Variants in ADGRD1 observed in about 807,000 individuals in gnomAD.
ADGRD1 encodes the protein G-protein coupled receptor 133.
A neutral mutation model predicts 113.4 loss-of-function variants in ADGRD1; 77 were observed. The observed-to-expected ratio is 0.68, with a 90% confidence interval of 0.57 to 0.82. The LOEUF (loss-of-function observed/expected upper bound fraction) is 0.82, where lower values mean the gene tolerates loss of function less well. Ranked by LOEUF, ADGRD1 falls within the 40% of genes least tolerant of loss-of-function variation. The probability of loss-of-function intolerance (pLI) is 0.00; values close to 1 mark genes in which losing one functional copy is unlikely to be tolerated. For synonymous variants in ADGRD1, 474 were observed against 475.0 expected, an observed-to-expected ratio of 1.00 and a Z score of 0.03; for missense variants, 1,036 against 1,139.1, an observed-to-expected ratio of 0.91 and a Z score of 1.30.
chr12:131,067,202 G>A (rs1884790703), intron 13 of ADGRD1, among the ~76,000 whole-genome samples: 1 of 152,192 alleles, frequency 6.6e-6, no homozygotes, highest in South Asian at 2.1e-4. Flanking sequence ...TCAGGAGGGA[G>A]GTTTGGACAT....
At chr12:131,068,396 G>A (rs760596721) in intron 13 of ADGRD1, among the ~76,000 whole-genome samples, 68 of 152,292 alleles carry the variant, frequency 4.5e-4, no homozygotes, top group Admixed American at 9.2e-4. Context: ...ATGAAAGAAT[G>A]TTCATCTTCC....
chr12:130,983,706 C>T (rs1286061111), intron 5 of ADGRD1, among the ~76,000 whole-genome samples: 1 of 152,188 alleles, frequency 6.6e-6, no homozygotes, highest in East Asian at 1.9e-4. Flanking sequence ...AGGGTCCAAG[C>T]GTGCTCCAGA....
At chr12:130,958,910 G>C (rs1294403559) in intron 2 of ADGRD1, among the ~76,000 whole-genome samples, 4 of 152,254 alleles carry the variant, frequency 2.6e-5, no homozygotes, top group Non-Finnish European at 5.9e-5. Context: ...CGCACCGCGG[G>C]TGGAGAAGCG....
chr12:131,002,909 G>T lies in ADGRD1; in HGVS notation c.1027-276G>T, dbSNP rs148101906. The stretch of plus-strand genomic sequence containing the variant: ...GGGAGGAGGCAGGACCAGGAGTTGG[G>T]TCCCCTCAGTCCCCGTGTCTAAGTG... On this transcript the variant is annotated intron_variant, in intron 9 of 24. Coordinates refer to ENST00000261654, the MANE Select transcript of ADGRD1 (RefSeq NM_198827.5). The T allele has an allele frequency of 3.6e-3, 2,989 of 837,386 alleles. 14 individuals are homozygous for T. The highest frequency in any genetic ancestry group is 5.4e-3 in the Middle Eastern group (12 of 2,226). 51.9% of individuals were successfully genotyped at this position (837,386 alleles called of 1,614,324 possible).
intron 13 of ADGRD1, among the ~76,000 whole-genome samples, chr12:131,038,734 A>T (rs1024527036): frequency 6.6e-6 from 1 of 152,230 alleles, no homozygotes; most frequent in Admixed American, 6.5e-5. Context: ...GGGGGACGGC[A>T]GTGACAGGTA....
At chr12:131,030,370 C>T (rs762437326) in intron 13 of ADGRD1, among the ~76,000 whole-genome samples, 8 of 152,216 alleles carry the variant, frequency 5.3e-5, no homozygotes, top group Non-Finnish European at 1.0e-4. Flanking sequence ...GGAGCCCTTC[C>T]AGACTGTGCC....
intron 20 of ADGRD1, among the ~76,000 whole-genome samples, chr12:131,127,120 G>GA (rs111265523): frequency 0.085 from 12,829 of 150,096 alleles, 592 homozygotes; most frequent in Middle Eastern, 0.12. Context: ...CAGGCTAAAA[G>GA]AAAAAAAAAG....
intron 13 of ADGRD1, among the ~76,000 whole-genome samples, chr12:131,036,795 TGGGTCTCACTCACTGCCCC>T (rs1249376303): frequency 1.9e-5 from 2 of 103,606 alleles, no homozygotes; most frequent in Non-Finnish European, 3.9e-5. Flanking sequence ...CTCACGGCAC[TGGGTCTCACTCACTGCCCC>T]GGGTCTCACT....
chr12:130,985,861 T>C (rs1409778392), intron 5 of ADGRD1, among the ~76,000 whole-genome samples: 6 of 152,208 alleles, frequency 3.9e-5, no homozygotes, highest in African/African-American at 1.4e-4. Context: ...CAAGATTCTT[T>C]TTATTTTTTG....
At chr12:131,002,225 C>T (rs1211212196) in intron 9 of ADGRD1, among the ~76,000 whole-genome samples, 2 of 152,132 alleles carry the variant, frequency 1.3e-5, no homozygotes, top group Non-Finnish European at 2.9e-5. Flanking sequence ...AAATCTGTTA[C>T]AAAATATGAA....
chr12:131,093,615 G>A lies in ADGRD1; in HGVS notation c.1671+8952G>A, dbSNP rs78116837. 3.7e-3 allele frequency among the ~76,000 whole-genome samples: 570 copies of A among 152,330 alleles called. 9 individuals are homozygous for A. Among genetic ancestry groups the A allele is most frequent in the Admixed American group, 0.026 (399 of 15,306 alleles). On this transcript the variant is annotated intron_variant, in intron 15 of 24. Coordinates refer to ENST00000261654, the MANE Select transcript of ADGRD1 (RefSeq NM_198827.5). ...GCGGTCCCGAGGGTGTGTCACAGGC[G>A]GGACTGTGCCAACTGCAGTGCCGGC... is the stretch of plus-strand genomic sequence containing the variant.
Position 131,136,074 on chromosome 12 carries a change from C to T in ADGRD1, c.2305C>T (p.Leu769=), listed in dbSNP as rs1351628759. The T allele has an allele frequency of 1.4e-5, 22 of 1,614,062 alleles. No homozygotes were observed. The highest frequency in any genetic ancestry group is 1.8e-5 in the Non-Finnish European group (21 of 1,179,996). Residue 769 remains leucine, a synonymous_variant, in exon 22 of 25, where the codon CTG becomes TTG. Transcript: ENST00000261654. ...GGCAGTGGCCGTGCTGCTGCCCATC[C>T]TGGGTACCTCGTGGGTCTTTGGCGT... is the stretch of plus-strand genomic sequence containing the variant. ...AKAVAVLLPI[L]GTSWVFGVLA... is the part of the protein sequence containing the mutation.
chr12:131,129,441 G>T (rs1375398013), intron 20 of ADGRD1, among the ~76,000 whole-genome samples: 2 of 97,640 alleles, frequency 2.0e-5, no homozygotes, highest in African/African-American at 4.5e-5. Context: ...CTGCTGTCTG[G>T]GTGTGACAGG....
intron 5 of ADGRD1, 65 bp downstream of exon 5, chr12:130,982,128 C>T (rs752859648): frequency 1.6e-5 from 23 of 1,410,320 alleles, no homozygotes; most frequent in South Asian, 2.5e-5. Flanking sequence ...TGAGAATGGA[C>T]GCTGAGAAGC....
At chr12:131,064,878 T>G (rs1884594656) in intron 13 of ADGRD1, among the ~76,000 whole-genome samples, 1 of 152,234 alleles carries the variant, frequency 6.6e-6, no homozygotes, top group African/African-American at 2.4e-5. Context: ...TACACTGGTC[T>G]GGGTGAGCGT....
At chr12:130,995,382 G>C (rs537519146) in intron 8 of ADGRD1, among the ~76,000 whole-genome samples, 1 of 152,352 alleles carries the variant, frequency 6.6e-6, no homozygotes, top group South Asian at 2.1e-4. Context: ...AGGCAATGCA[G>C]GTCTACACAG....
intron 8 of ADGRD1, among the ~76,000 whole-genome samples, chr12:130,996,238 C>G (rs1233533515): frequency 2.8e-5 from 4 of 141,084 alleles, no homozygotes; most frequent in Non-Finnish European, 6.2e-5. Flanking sequence ...TTCCCCCTTT[C>G]TATTCCACAA....
intron 8 of ADGRD1, among the ~76,000 whole-genome samples, chr12:130,997,986 G>A (rs1358377891): frequency 6.6e-6 from 1 of 152,260 alleles, no homozygotes; most frequent in Non-Finnish European, 1.5e-5. Context: ...CGGATCACTC[G>A]CGGTTAGGAG....
chr12:131,032,316 G>T (rs905436836), intron 13 of ADGRD1, among the ~76,000 whole-genome samples: 2 of 152,174 alleles, frequency 1.3e-5, no homozygotes, highest in Non-Finnish European at 2.9e-5. Context: ...TGTGCCACTC[G>T]CGACCCCGCC....
Sources: gnomAD v4.1 joint callset for allele counts (sites outside exome capture counted in the v4.1 genomes callset) on GRCh38, gnomAD v4.1.1 for gene constraint, MANE v1.5 for transcripts, NCBI Gene and HGNC (gene_info 2026-07-23, HGNC 2026-07-21) for gene names.